Variants in ATM observed in about 807,000 individuals in gnomAD.
The protein encoded by ATM is serine-protein kinase ATM.
Under a neutral mutation model 387.0 loss-of-function variants are expected in ATM, and 308 were observed. The observed-to-expected ratio is 0.80, with a 90% confidence interval of 0.73 to 0.87. The LOEUF (loss-of-function observed/expected upper bound fraction) is 0.87. Among genes scored for constraint, ATM ranks in the 40% least tolerant of loss-of-function variants. The probability of loss-of-function intolerance (pLI) is 0.00; values close to 1 mark genes in which losing one functional copy is unlikely to be tolerated. For missense variants in ATM, 3,312 were observed against 3,560.9 expected (o/e 0.93, Z 1.78); for synonymous variants, 1,156 against 1,187.3 (o/e 0.97, Z 0.54).
chr11:108,326,818 A>AT (rs1555120425), intron 47 of ATM, among the ~76,000 whole-genome samples: 1 of 151,876 alleles, frequency 6.6e-6, no homozygotes, highest in Non-Finnish European at 1.5e-5. Context: ...ACTGTGCTTT[A>AT]TTATTTATTT....
At chr11:108,350,420 A>G (rs1401132354) in intron 59 of ATM, among the ~76,000 whole-genome samples, 1 of 152,198 alleles carries the variant, frequency 6.6e-6, no homozygotes, top group Non-Finnish European at 1.5e-5. Context: ...GAAGGAGAAG[A>G]GGTTTTGATT....
chr11:108,242,869 C>T (rs910842006), intron 5 of ATM, among the ~76,000 whole-genome samples: 13 of 152,104 alleles, frequency 8.5e-5, no homozygotes, highest in Non-Finnish European at 1.5e-4. Context: ...TATCAGGAAT[C>T]TCAGGTTTCC....
At chr11:108,321,113 A>C (rs2085173765) in intron 44 of ATM, among the ~76,000 whole-genome samples, 188 bp from the exon 45 acceptor site, 1 of 152,190 alleles carries the variant, frequency 6.6e-6, no homozygotes, top group East Asian at 1.9e-4. Context: ...CCATGCATTT[A>C]AATTTGTGTT....
chr11:108,276,224 C>T (rs981165281), intron 22 of ATM, among the ~76,000 whole-genome samples: 4 of 152,178 alleles, frequency 2.6e-5, no homozygotes, highest in African/African-American at 9.6e-5. Context: ...CATTTATGTT[C>T]TTCTCTACAC....
chr11:108,310,367 A>C, intron 39 of ATM, 52 bp downstream of exon 39: 1 of 1,527,380 alleles, frequency 6.5e-7, no homozygotes, highest in Non-Finnish European at 9.0e-7. Flanking sequence ...GCATTGTCTC[A>C]ATAAGGGTAT....
At chr11:108,337,397 C>T (rs1220140076) in intron 56 of ATM, among the ~76,000 whole-genome samples, 2 of 152,200 alleles carry the variant, frequency 1.3e-5, no homozygotes, top group Non-Finnish European at 2.9e-5. Context: ...ATAAAGGCTA[C>T]TCTGTAGAGG....
chr11:108,308,103 G>C (rs4988059), intron 38 of ATM, 119 bp downstream of exon 38: 2 of 979,926 alleles, frequency 2.0e-6, no homozygotes, highest in Admixed American at 2.0e-5. Context: ...TATTTAATTT[G>C]TGTGATATTT....
At chr11:108,257,694 A>C (rs2080594800) in intron 15 of ATM, 88 bp downstream of exon 15, 53 of 1,347,640 alleles carry the variant, frequency 3.9e-5, no homozygotes, top group Non-Finnish European at 5.1e-5. Flanking sequence ...GTCACAACTC[A>C]TTGTAGCCTT....
chr11:108,326,495 G>C (rs918482877), intron 47 of ATM, among the ~76,000 whole-genome samples: 1 of 152,006 alleles, frequency 6.6e-6, no homozygotes, highest in Non-Finnish European at 1.5e-5. Flanking sequence ...ATTCAAGAAA[G>C]GTATGTGGGA....
chr11:108,272,663 TG>T, intron 21 of ATM, 56 bp downstream of exon 21: 1 of 1,612,922 alleles, frequency 6.2e-7, no homozygotes, highest in East Asian at 2.2e-5. Context: ...AAGCAGTCTT[TG>T]TTTGTTAATG....
intron 1 of ATM, chr11:108,223,727 T>G (rs1488140561): frequency 6.6e-6 from 1 of 152,178 alleles, no homozygotes; most frequent in Non-Finnish European, 1.5e-5. Context: ...ATGTATGTGG[T>G]GATAGGGGAG....
At chr11:108,239,499 ACTATT>A (rs1185398746) in intron 5 of ATM, among the ~76,000 whole-genome samples, 1 of 152,172 alleles carries the variant, frequency 6.6e-6, no homozygotes, top group Admixed American at 6.5e-5. Flanking sequence ...AAAACTGAAC[ACTATT>A]CTGTTCTGTG....
At chr11:108,266,874 C>G (rs1463800856) in intron 16 of ATM, among the ~76,000 whole-genome samples, 1 of 150,458 alleles carries the variant, frequency 6.6e-6, no homozygotes, top group African/African-American at 2.5e-5. Flanking sequence ...CAGCTCACTG[C>G]AATCTCTGCC....
At chr11:108,301,484 TGA>T (rs1468686674) in intron 34 of ATM, among the ~76,000 whole-genome samples, 162 bp from the exon 35 acceptor site, 1 of 152,236 alleles carries the variant, frequency 6.6e-6, no homozygotes, top group African/African-American at 2.4e-5. Context: ...GAATGACTAG[TGA>T]AAGTCCTTTG....
At chr11:108,329,359 T>A in intron 49 of ATM, 121 bp downstream of exon 49, 1 of 884,006 alleles carries the variant, frequency 1.1e-6, no homozygotes, top group Non-Finnish European at 1.8e-6. Flanking sequence ...AAGGTCGGCT[T>A]AACTATATAT....
rs966733287 is a variant in ATM, at chr11:108,293,372, C to A, written c.4671C>A (p.Ile1557=). The change falls in exon 31 of 63, where the codon ATC becomes ATA. Residue 1557 remains isoleucine, a synonymous_variant. Transcript: ENST00000675843. The part of the protein sequence containing the change: ...IDNKDNENLY[I]TIKLLDPFPD... Reference sequence around the variant, plus strand: ...ACAAGGATAATGAAAACCTCTATATCACGATTAAGCTTTTAGATCCTTTTC... The same window carrying A: ...ACAAGGATAATGAAAACCTCTATATAACGATTAAGCTTTTAGATCCTTTTC... 1 of 1,599,252 alleles carries A rather than the reference C, an allele frequency of 6.3e-7. No individual in the cohort carries two copies. The highest frequency in any genetic ancestry group is 8.6e-7 in the Non-Finnish European group (1 of 1,167,208).
intron 16 of ATM, among the ~76,000 whole-genome samples, chr11:108,265,635 G>C (rs1291722148): frequency 6.7e-6 from 1 of 149,406 alleles, no homozygotes; most frequent in African/African-American, 2.5e-5. Flanking sequence ...TGACAAATGG[G>C]ATCTAATTAA....
intron 59 of ATM, among the ~76,000 whole-genome samples, chr11:108,351,310 T>TA (rs2089174629): frequency 6.6e-6 from 1 of 152,222 alleles, no homozygotes; most frequent in African/African-American, 2.4e-5. Flanking sequence ...AGAGTTCTGT[T>TA]AACGTGGATT....
intron 17 of ATM, among the ~76,000 whole-genome samples, chr11:108,267,709 TAG>T (rs1388095132): frequency 6.6e-6 from 1 of 151,930 alleles, no homozygotes; most frequent in Non-Finnish European, 1.5e-5. Flanking sequence ...ACACAAAAAT[TAG>T]ATGGGCGTGG....
Sources: allele counts gnomAD v4.1 joint callset (sites outside exome capture counted in the v4.1 genomes callset), GRCh38; gene constraint gnomAD v4.1.1; transcripts MANE v1.5; gene names NCBI Gene and HGNC (gene_info 2026-07-23, HGNC 2026-07-21).